The following RPS6KB2 variants were observed in gnomAD, a reference collection of about 807,000 sequenced individuals.
The protein encoded by RPS6KB2 is ribosomal protein S6 kinase beta-2.
Under a neutral mutation model 58.2 loss-of-function variants are expected in RPS6KB2, and 51 were observed. The observed-to-expected ratio is 0.88, with a 90% confidence interval of 0.70 to 1.11. The LOEUF is 1.11. Among genes scored for constraint, RPS6KB2 ranks in the 50% least tolerant of loss-of-function variants. The pLI, the probability that RPS6KB2 is intolerant of heterozygous loss-of-function variation, is 0.00. For missense variants in RPS6KB2, 671 were observed against 655.8 expected, an observed-to-expected ratio of 1.02 and a Z score of -0.25; for synonymous variants, 293 against 258.6, an observed-to-expected ratio of 1.13 and a Z score of -1.28.
chr11:67,431,805 CTCCCTG>C (rs1864031465), intron 5 of RPS6KB2: 2 of 384,080 alleles, frequency 5.2e-6, no homozygotes, highest in Non-Finnish European at 9.7e-6. Context: ...TCCTACTCCC[CTCCCTG>C]TCTTGTTCTT....
At position 67,433,262 on chromosome 11, in the gene RPS6KB2, G is replaced by C. The variant is rs764276972; in HGVS notation, c.798+46G>C. ...GGAGGAGGGGCAGGGGCAGAGGTGG[G>C]AGTAGCCCCCCTCCTGGGGCAAGGG... On this transcript the variant is annotated intron_variant, in intron 9 of 14. Transcript: ENST00000312629. 4 of 1,605,348 alleles carry C rather than the reference G, an allele frequency of 2.5e-6. No homozygotes were observed. In the East Asian group the frequency reaches 8.9e-5, roughly 36 times the overall value.
intron 1 of RPS6KB2, 26 bp downstream of exon 1, chr11:67,428,649 G>T: frequency 6.3e-7 from 1 of 1,590,958 alleles, no homozygotes; most frequent in East Asian, 2.3e-5. Context: ...TGGCGCGACT[G>T]GATCCTGGAG....
At chr11:67,432,928 C>T (rs369162339) in intron 7 of RPS6KB2, 24 bp from the exon 8 acceptor site, 4 of 1,612,030 alleles carry the variant, frequency 2.5e-6, no homozygotes, top group African/African-American at 1.3e-5. Flanking sequence ...GCCCTGGTCA[C>T]GCCTCTCCAA....
At position 67,428,514 on chromosome 11, in the gene RPS6KB2, C is replaced by T. The variant is rs1294881731; in HGVS notation, c.-32C>T. ...CTGTCAGTCAGTGCGCGGCCAGGTA[C>T]GGGCCGACGGGCCCGCGGGGCCGGC... On this transcript the variant is annotated 5_prime_UTR_variant, in exon 1 of 15. In the 5' UTR this introduces an upstream ATG that the reference lacks. Coordinates refer to ENST00000312629, the MANE Select transcript of RPS6KB2 (RefSeq NM_003952.3). The T allele has an allele frequency of 1.3e-6, 2 of 1,583,752 alleles. No individual in the cohort carries two copies. Among genetic ancestry groups the T allele is most frequent in the South Asian group, 1.1e-5 (1 of 88,760 alleles).
At position 67,434,381 on chromosome 11, in the gene RPS6KB2, CAG is replaced by C. The variant is rs1299414277; in HGVS notation, c.1055_1056del (p.Glu352GlyfsTer7). The C allele has an allele frequency of 1.2e-6, 2 of 1,613,122 alleles. No homozygotes were observed. The highest frequency in any genetic ancestry group is 1.7e-5 in the Admixed American group (1 of 60,024). ...CCCACTCTGGTCGGCCCACAGCAGT[CAG>C]AGGAGGACGTGAGCCAGTTTGATAC... On this transcript the variant is annotated frameshift_variant, in exon 13 of 15. Transcript: ENST00000312629. LOFTEE classifies it high-confidence loss of function.
chr11:67,434,672 A>G lies in RPS6KB2; in HGVS notation c.1246A>G (p.Ser416Gly), dbSNP rs778754333. Reference sequence around the variant, plus strand: ...GCTGCGCTCACCCAGGCGCCTCAACAGTAGCCCCCGGGCCCCCGTCAGGTA... The same window carrying G: ...GCTGCGCTCACCCAGGCGCCTCAACGGTAGCCCCCGGGCCCCCGTCAGGTA... ...PKLRSPRRLN[S>G]SPRAPVSPLK... is the part of the protein sequence containing the mutation. The change falls in exon 14 of 15, where the codon AGT becomes GGT. Residue 416 changes from serine (S) to glycine (G), a missense_variant. Coordinates refer to ENST00000312629, the MANE Select transcript of RPS6KB2 (RefSeq NM_003952.3). 1 of 1,609,562 alleles carries G rather than the reference A, an allele frequency of 6.2e-7. No homozygotes were observed. Among genetic ancestry groups the G allele is most frequent in the African/African-American group, 1.3e-5 (1 of 74,970 alleles).
Position 67,435,127 on chromosome 11 carries a change from G to A in RPS6KB2, c.1407G>A (p.Gly469=), listed in dbSNP as rs769100641. 3 of 1,602,678 alleles carry A rather than the reference G, an allele frequency of 1.9e-6. No individual in the cohort carries two copies. The highest frequency in any genetic ancestry group is 2.2e-5 in the South Asian group (2 of 90,634). ...CTCTCCCCATCCGTCCCCCCTCAGG[G>A]ACCAAGAAGTCCAAGAGGGGCCGTG... The part of the protein sequence containing the change: ...TAPLPIRPPS[G]TKKSKRGRGR... The change falls in exon 15 of 15, where the codon GGG becomes GGA. Residue 469 remains glycine, a synonymous_variant. Transcript: ENST00000312629.
In RPS6KB2 at chr11:67,428,501, G is replaced by A; in HGVS notation, c.-45G>A. 6.4e-7 allele frequency: 1 copy of A among 1,551,228 alleles called. No homozygotes were observed. On this transcript the variant is annotated 5_prime_UTR_variant, in exon 1 of 15. Transcript: ENST00000312629. ...TTTAGGTCCGGGACTGTCAGTCAGT[G>A]CGCGGCCAGGTACGGGCCGACGGGC... is the stretch of plus-strand genomic sequence containing the variant.
intron 3 of RPS6KB2, 67 bp from the exon 4 acceptor site, chr11:67,429,460 T>G: frequency 6.7e-7 from 1 of 1,503,742 alleles, no homozygotes. Context: ...AGCCAGAGCT[T>G]CAGGGTGGGG....
chr11:67,435,238 G>A lies in RPS6KB2; in HGVS notation c.*69G>A. The A allele has an allele frequency of 1.5e-6, 2 of 1,376,264 alleles. No homozygotes were observed. Among genetic ancestry groups the A allele is most frequent in the Admixed American group, 5.1e-5 (2 of 39,140 alleles). 85.3% of individuals were successfully genotyped at this position (1,376,264 alleles called of 1,614,324 possible). ...CGGCTGTGAGAGCAGCAGGACCCTG[G>A]GCCAGTTCCAGAGACCTGGGGGTGT... On this transcript the variant is annotated 3_prime_UTR_variant, in exon 15 of 15. Coordinates refer to ENST00000312629, the MANE Select transcript of RPS6KB2 (RefSeq NM_003952.3).
intron 5 of RPS6KB2, 90 bp from the exon 6 acceptor site, chr11:67,432,510 A>G: frequency 7.2e-7 from 1 of 1,384,134 alleles, no homozygotes; most frequent in South Asian, 1.2e-5. Flanking sequence ...GGGAATTATG[A>G]GCCCCTCTTT....
At chr11:67,434,121 G>A (rs959667030) in intron 11 of RPS6KB2, 64 bp downstream of exon 11, 1 of 1,610,286 alleles carries the variant, frequency 6.2e-7, no homozygotes. Flanking sequence ...ATGGGGGCAG[G>A]GCCCCAGGGC....
Position 67,435,201 on chromosome 11 carries a change from G to T in RPS6KB2, c.*32G>T. ...GGGTGGGGGTGAGGGTAGCCCTTGA[G>T]CCCTGTCCCTGCGGCTGTGAGAGCA... On this transcript the variant is annotated 3_prime_UTR_variant, in exon 15 of 15. Coordinates refer to ENST00000312629, the MANE Select transcript of RPS6KB2 (RefSeq NM_003952.3). The T allele has an allele frequency of 6.6e-7, 1 of 1,504,512 alleles. No individual in the cohort carries two copies. Among genetic ancestry groups the T allele is most frequent in the Non-Finnish European group, 8.9e-7 (1 of 1,127,880 alleles). The allele number at this position is 1,504,512 out of a possible 1,614,324, so 93.2% of individuals were successfully genotyped here.
chr11:67,433,496 G>C (rs368269730), intron 10 of RPS6KB2, 49 bp downstream of exon 10: 3 of 1,388,276 alleles, frequency 2.2e-6, no homozygotes, highest in East Asian at 2.3e-5. Flanking sequence ...CATTCTGCAC[G>C]TGTTCCTGAG....
Position 67,434,182 on chromosome 11 carries a change from C to A in RPS6KB2, c.970-16C>A. ...GGGTGAGCTGTTAGTGGGTTTGGTG[C>A]ATTCTCTACCTACAGAGACATCCCT... is the stretch of plus-strand genomic sequence containing the variant. On this transcript the variant is annotated splice_polypyrimidine_tract_variant and intron_variant, in intron 11 of 14. Coordinates refer to ENST00000312629, the MANE Select transcript of RPS6KB2 (RefSeq NM_003952.3). 1 of 1,613,888 alleles carries A rather than the reference C, an allele frequency of 6.2e-7. No homozygotes were observed. Among genetic ancestry groups the A allele is most frequent in the Non-Finnish European group, 8.5e-7 (1 of 1,179,834 alleles).
Position 67,435,101 on chromosome 11 carries a change from CCT to C in RPS6KB2, c.1385_1386del (p.Leu462ProfsTer59), listed in dbSNP as rs748669654. On this transcript the variant is annotated frameshift_variant, in exon 15 of 15. Coordinates refer to ENST00000312629, the MANE Select transcript of RPS6KB2 (RefSeq NM_003952.3). LOFTEE classifies it high-confidence loss of function. ...ACCGCCGCCGCCCTCGACCACCGCCCCTCTCCCCATCCGTCCCCCCTCAGGGA... is the reference window on the plus strand; with the variant it reads ...ACCGCCGCCGCCCTCGACCACCGCCCCTCCCCATCCGTCCCCCCTCAGGGA... ...LPPPPPSTTA[P>X]LPIRPPSGTK... 2 of 1,608,810 alleles carry C rather than the reference CCT, an allele frequency of 1.2e-6. No homozygotes were observed. Among genetic ancestry groups the C allele is most frequent in the East Asian group, 2.2e-5 (1 of 44,822 alleles).
Position 67,432,783 on chromosome 11 carries a change from C to G in RPS6KB2, c.562C>G (p.Gln188Glu), listed in dbSNP as rs200521938. 1.2e-6 allele frequency: 2 copies of G among 1,614,058 alleles called. No individual in the cohort carries two copies. The highest frequency in any genetic ancestry group is 2.7e-5 in the African/African-American group (2 of 74,934). Residue 188 changes from glutamine to glutamate, a missense_variant, in exon 7 of 15, where the codon CAG (glutamine) becomes GAG (glutamate). Gln to Glu is a conservative substitution (Grantham distance 29, BLOSUM62 2). Transcript: ENST00000312629. ...ITLALGHLHS[Q>E]GIIYRDLKPE... ...GCTGGCCCTGGGCCATCTCCACTCCCAGGGCATCATCTACCGGGACCTCAA... is the reference window on the plus strand; with the variant it reads ...GCTGGCCCTGGGCCATCTCCACTCCGAGGGCATCATCTACCGGGACCTCAA...
chr11:67,433,008 G>GTCACT lies in RPS6KB2; in HGVS notation c.674_678dup (p.His227SerfsTer34). 1.9e-6 allele frequency: 3 copies of GTCACT among 1,613,352 alleles called. No individual in the cohort carries two copies. The highest frequency in any genetic ancestry group is 2.5e-6 in the Non-Finnish European group (3 of 1,180,026). On this transcript the variant is annotated frameshift_variant, in exon 8 of 15. Transcript: ENST00000312629. LOFTEE classifies it high-confidence loss of function. ...CAAGGAGTCTATCCATGAGGGCGCC[G>GTCACT]TCACTCACACCTTCTGCGGCACCAT...
chr11:67,429,748 C>G (rs1863963904), intron 4 of RPS6KB2, 153 bp downstream of exon 4: 1 of 630,624 alleles, frequency 1.6e-6, no homozygotes, highest in Non-Finnish European at 2.8e-6. Flanking sequence ...TATTGTCTTG[C>G]AGTAATTCTC....
Sources: gnomAD v4.1 joint callset for allele counts on GRCh38, gnomAD v4.1.1 for gene constraint, MANE v1.5 for transcripts, NCBI Gene and HGNC (gene_info 2026-07-23, HGNC 2026-07-21) for gene names.